VPS8: variants seen among roughly 807,000 people sequenced by gnomAD.
VPS8 encodes VPS8 subunit of CORVET complex.
In VPS8, 129 loss-of-function variants were observed where a neutral mutation model predicts 216.4. That is an observed-to-expected ratio of 0.60 (90% CI 0.52 to 0.69). VPS8 has a LOEUF of 0.69. Ranked by LOEUF, VPS8 falls within the 30% of genes least tolerant of loss-of-function variation. VPS8 has a pLI of 0.00. For missense variants in VPS8, 1,531 were observed against 1,683.5 expected (o/e 0.91, Z 1.59); for synonymous variants, 571 against 565.4 (o/e 1.01, Z -0.14).
intron 37 of VPS8, among the ~76,000 whole-genome samples, chr3:184,962,315 T>C (rs746022211): frequency 1.3e-5 from 2 of 152,246 alleles, no homozygotes; most frequent in Non-Finnish European, 2.9e-5. Context: ...AACCAAGTAG[T>C]GTAGTTCTAC....
chr3:184,940,944 G>A (rs1045973086), intron 36 of VPS8, among the ~76,000 whole-genome samples: 2 of 152,104 alleles, frequency 1.3e-5, no homozygotes, highest in Admixed American at 6.6e-5. Context: ...AATCACCTAC[G>A]AAGCTTTTAA....
Position 184,936,230 on chromosome 3 carries a change from T to A in VPS8, c.2899-16T>A, listed in dbSNP as rs1741585699. ...TGAGCCATTAGAGATGGCTTTGTCTTTTCCTTTAACTCCAGGAACTCGTGT... is the reference window on the plus strand; with the variant it reads ...TGAGCCATTAGAGATGGCTTTGTCTATTCCTTTAACTCCAGGAACTCGTGT... On this transcript the variant is annotated splice_polypyrimidine_tract_variant and intron_variant, in intron 34 of 47. Transcript: ENST00000625842. The A allele has an allele frequency of 9.4e-6, 15 of 1,594,086 alleles. No homozygotes were observed. The highest frequency in any genetic ancestry group is 1.3e-5 in the Non-Finnish European group (15 of 1,169,594).
chr3:184,908,334 CT>C (rs902589209), intron 25 of VPS8, among the ~76,000 whole-genome samples: 1 of 152,228 alleles, frequency 6.6e-6, no homozygotes, highest in Admixed American at 6.5e-5. Flanking sequence ...GGCACCCTGT[CT>C]TCTTGGCCTG....
chr3:184,837,196 G>A (rs545052485), intron 5 of VPS8, among the ~76,000 whole-genome samples: 3 of 147,576 alleles, frequency 2.0e-5, no homozygotes, highest in Non-Finnish European at 4.5e-5. Context: ...TCTCTACAAT[G>A]CTTCCTAATA....
intron 23 of VPS8, among the ~76,000 whole-genome samples, chr3:184,898,210 C>T (rs1374894570): frequency 6.6e-6 from 1 of 152,106 alleles, no homozygotes; most frequent in Non-Finnish European, 1.5e-5. Flanking sequence ...CTGGATTTAT[C>T]TTATCTAACA....
chr3:184,820,578 G>A (rs1717359370), intron 1 of VPS8, among the ~76,000 whole-genome samples: 1 of 152,290 alleles, frequency 6.6e-6, no homozygotes, highest in South Asian at 2.1e-4. Context: ...ACCACTGGTA[G>A]ATTCCCAGCT....
intron 10 of VPS8, among the ~76,000 whole-genome samples, chr3:184,851,654 G>A (rs1288351781): frequency 1.3e-5 from 2 of 152,064 alleles, no homozygotes; most frequent in African/African-American, 2.4e-5. Context: ...ACTGCTCATC[G>A]AGGCTGTAAG....
At chr3:184,992,099 A>G (rs1278260175) in intron 42 of VPS8, among the ~76,000 whole-genome samples, 1 of 152,204 alleles carries the variant, frequency 6.6e-6, no homozygotes, top group Non-Finnish European at 1.5e-5. Context: ...GACAGACTCA[A>G]AGCACTGAAA....
intron 21 of VPS8, among the ~76,000 whole-genome samples, chr3:184,875,172 A>G (rs941729993): frequency 1.3e-5 from 2 of 149,840 alleles, no homozygotes; most frequent in Middle Eastern, 3.6e-3. Flanking sequence ...AATTCCTATT[A>G]AGACTGATCT....
In VPS8 at chr3:184,852,543, G is replaced by A; in HGVS notation, c.797G>A (p.Gly266Asp). The A allele has an allele frequency of 6.2e-7, 1 of 1,613,616 alleles. No individual in the cohort carries two copies. The highest frequency in any genetic ancestry group is 1.7e-5 in the Admixed American group (1 of 59,964). The change falls in exon 11 of 48, where the codon GGC becomes GAC. Residue 266 changes from glycine to aspartate, a missense_variant. Physicochemically the swap from Gly to Asp is moderately conservative, Grantham distance 94 (BLOSUM62 -1). This residue lies in a region of VPS8 where 1,318 missense variants were observed against 1,468.4 expected (regional missense o/e 0.90). Transcript: ENST00000625842. Reference protein sequence around the residue: ...PTLAICNDSGGSVFELTFKRV... With the variant: ...PTLAICNDSGDSVFELTFKRV... ...CTTGCAATTTGCAACGACAGCGGAG[G>A]CTCTGTTTTTGAATTGACATTTAAG... is the stretch of plus-strand genomic sequence containing the variant.
chr3:184,841,921 A>G (rs963759634), intron 7 of VPS8, among the ~76,000 whole-genome samples: 1 of 152,174 alleles, frequency 6.6e-6, no homozygotes. Flanking sequence ...AAAGGAGGCA[A>G]ATTCTAAGAT....
intron 31 of VPS8, among the ~76,000 whole-genome samples, chr3:184,927,610 T>G (rs1292088052): frequency 2.6e-5 from 4 of 152,182 alleles, no homozygotes; most frequent in Admixed American, 1.3e-4. Flanking sequence ...ATTTACCATT[T>G]TAACCATTTT....
At chr3:184,820,807 TA>T (rs1007588912) in intron 1 of VPS8, among the ~76,000 whole-genome samples, 8 of 151,980 alleles carry the variant, frequency 5.3e-5, no homozygotes, top group East Asian at 1.9e-4. Flanking sequence ...ATGTTGATGT[TA>T]AAAAAAACCT....
chr3:184,982,365 C>G (rs897142482), intron 40 of VPS8: 1 of 543,798 alleles, frequency 1.8e-6, no homozygotes, highest in Non-Finnish European at 3.2e-6. Context: ...CCTGTTCTAG[C>G]TGTGGTTTCT....
chr3:184,913,096 G>A (rs1560644597), intron 25 of VPS8, among the ~76,000 whole-genome samples: 1 of 152,116 alleles, frequency 6.6e-6, no homozygotes, highest in African/African-American at 2.4e-5. Context: ...TAAACATTTG[G>A]GAACAATGGC....
rs139983815 is a variant in VPS8, at chr3:185,004,906, TTTTATTTA to T, written c.4002+5061_4002+5068del. ...TTTATTTGGTTTTTTTTGTTTTGTT[TTTTATTTA>T]TTTATTTATTTATTTTTGCATTTGC... On this transcript the variant is annotated intron_variant, in intron 45 of 47. Transcript: ENST00000625842. 1.8e-3 allele frequency among the ~76,000 whole-genome samples: 269 copies of T among 151,042 alleles called. 4 individuals are homozygous for T. Among genetic ancestry groups the T allele is most frequent in the African/African-American group, 6.1e-3 (252 of 41,480 alleles).
rs560331335 is a variant in VPS8, at chr3:184,895,077, T to C, written c.2004+152T>C. Among the ~76,000 whole-genome samples, 6 of 152,336 alleles carry C rather than the reference T, an allele frequency of 3.9e-5. No homozygotes were observed. In the East Asian group the frequency reaches 1.2e-3, roughly 29 times the overall value. ...AAGATGTATTATAAACTTGTATTTG[T>C]CAATATATTTCCTAGGACTGTATTT... On this transcript the variant is annotated intron_variant, in intron 23 of 47. Transcript: ENST00000625842.
chr3:184,825,622 C>T (rs1253729326), intron 2 of VPS8, among the ~76,000 whole-genome samples: 1 of 152,166 alleles, frequency 6.6e-6, no homozygotes, highest in Non-Finnish European at 1.5e-5. Context: ...GGAAAGTAGG[C>T]CGGGCGTGGT....
At chr3:185,027,708 G>A (rs1477088723) in intron 46 of VPS8, among the ~76,000 whole-genome samples, 1 of 152,178 alleles carries the variant, frequency 6.6e-6, no homozygotes, top group Non-Finnish European at 1.5e-5. Context: ...TTCAAACTGA[G>A]TAATGTCCCA....
Sources: gnomAD v4.1 joint callset for allele counts (sites outside exome capture counted in the v4.1 genomes callset) on GRCh38, gnomAD v4.1.1 for gene constraint, gnomAD v4.1.1 regional missense constraint, MANE v1.5 for transcripts, NCBI Gene and HGNC (gene_info 2026-07-23, HGNC 2026-07-21) for gene names.